The following SNX29 variants were observed in gnomAD, a reference collection of about 807,000 sequenced individuals.
SNX29 encodes sorting nexin 29.
SNX29 carries 78 observed loss-of-function variants against 102.1 expected under a neutral mutation model. The observed-to-expected ratio is 0.76, with a 90% CI of 0.64 to 0.92. The LOEUF is 0.92. Among genes scored for constraint, SNX29 ranks in the 40% least tolerant of loss-of-function variants. SNX29 has a pLI of 0.00. For missense variants in SNX29, 1,280 were observed against 1,061.7 expected (o/e 1.21, Z -2.86); for synonymous variants, 580 against 414.5 (o/e 1.40, Z -4.85).
rs1174479514 is a variant in SNX29 at position 12,573,255 on chromosome 16, GTCATC to G, written c.*4629_*4633del. ...TGGTTGTTGAAATGTACCTCGATCA[GTCATC>G]TCTGGTATTCCTCACTCTAGCCATG... On this transcript the variant is annotated 3_prime_UTR_variant, in exon 21 of 21. Coordinates refer to ENST00000566228, the MANE Select transcript of SNX29 (RefSeq NM_032167.5). The G allele has an allele frequency of 1.3e-5, 3 of 227,026 alleles. No individual in the cohort carries two copies. Among genetic ancestry groups the G allele is most frequent in the African/African-American group, 6.7e-5 (3 of 45,024 alleles). The allele number at this position is 227,026 out of a possible 1,614,324, so 14.1% of individuals were successfully genotyped here. A position where few individuals can be genotyped will look rare whatever the true frequency, so the allele number is the denominator to read the frequency against.
intron 15 of SNX29, among the ~76,000 whole-genome samples, chr16:12,286,048 G>T (rs1274657428): frequency 6.6e-6 from 1 of 151,920 alleles, no homozygotes; most frequent in Non-Finnish European, 1.5e-5. Context: ...TCACCGTATT[G>T]GCCAGGCTAG....
intron 3 of SNX29, among the ~76,000 whole-genome samples, chr16:12,025,131 A>G (rs987709488): frequency 1.3e-5 from 2 of 152,082 alleles, no homozygotes; most frequent in East Asian, 1.9e-4. Flanking sequence ...GTGAAACCCC[A>G]TCTCTACTAA....
At chr16:12,355,623 C>T (rs2082108061) in intron 15 of SNX29, among the ~76,000 whole-genome samples, 1 of 152,044 alleles carries the variant, frequency 6.6e-6, no homozygotes, top group African/African-American at 2.4e-5. Context: ...GTTGAATAGT[C>T]TGTACATTGA....
At chr16:12,428,913 C>G (rs140608601) in intron 18 of SNX29, among the ~76,000 whole-genome samples, 1,969 of 152,058 alleles carry the variant, frequency 0.013, 53 homozygotes, top group African/African-American at 0.045. Context: ...CTAGTTAATC[C>G]CAACACACAG....
At chr16:12,517,735 G>A (rs1567644952) in intron 19 of SNX29, among the ~76,000 whole-genome samples, 1 of 152,166 alleles carries the variant, frequency 6.6e-6, no homozygotes, top group Non-Finnish European at 1.5e-5. Flanking sequence ...CAAGAGTCCT[G>A]CAGTGAAGGA....
chr16:12,481,511 T>TAC (rs1371450419), intron 19 of SNX29, among the ~76,000 whole-genome samples: 1 of 111,204 alleles, frequency 9.0e-6, no homozygotes, highest in Non-Finnish European at 1.8e-5. Flanking sequence ...CATATACATA[T>TAC]AGACACACAC....
chr16:12,549,844 G>T (rs1291578572), intron 20 of SNX29, among the ~76,000 whole-genome samples: 3 of 152,236 alleles, frequency 2.0e-5, no homozygotes, highest in South Asian at 2.1e-4. Context: ...CTCCTTGGCC[G>T]CATGACTGTG....
chr16:12,346,837 G>C lies in SNX29; in HGVS notation c.1783-9326G>C, dbSNP rs140256545. On this transcript the variant is annotated intron_variant, in intron 15 of 20. Coordinates refer to ENST00000566228, the MANE Select transcript of SNX29 (RefSeq NM_032167.5). The stretch of plus-strand genomic sequence containing the variant: ...CCAGGAGAGCATCATTGTCTCCAGG[G>C]GGGTAGCAGCTGCTGCTCTATGAAG... Among the ~76,000 whole-genome samples, 35 of 152,258 alleles carry C rather than the reference G, an allele frequency of 2.3e-4. No individual in the cohort carries two copies. The East Asian group carries it at 6.0e-3, about 26-fold the overall frequency.
intron 16 of SNX29, among the ~76,000 whole-genome samples, chr16:12,385,451 G>A (rs1014943818): frequency 2.2e-4 from 33 of 152,292 alleles, no homozygotes; most frequent in African/African-American, 6.7e-4. Flanking sequence ...TGTCCCGCAG[G>A]GCTCTAGGGC....
chr16:12,187,754 GC>G (rs2076546507), intron 13 of SNX29, among the ~76,000 whole-genome samples: 1 of 21,100 alleles, frequency 4.7e-5, no homozygotes, highest in Non-Finnish European at 2.3e-4. Flanking sequence ...GGTACTGTTG[GC>G]ATTCACTCCT....
chr16:12,236,084 A>T (rs2077923602), intron 14 of SNX29, among the ~76,000 whole-genome samples: 1 of 152,192 alleles, frequency 6.6e-6, no homozygotes, highest in Non-Finnish European at 1.5e-5. Context: ...TAGATAGCCC[A>T]GAACTGCTTT....
chr16:12,161,205 C>T (rs1246949246), intron 13 of SNX29, among the ~76,000 whole-genome samples: 2 of 152,238 alleles, frequency 1.3e-5, no homozygotes, highest in Non-Finnish European at 2.9e-5. Context: ...GACCACCTTT[C>T]TGACCTTTGG....
intron 18 of SNX29, among the ~76,000 whole-genome samples, chr16:12,415,941 C>T (rs916479162): frequency 6.6e-6 from 1 of 152,174 alleles, no homozygotes; most frequent in African/African-American, 2.4e-5. Flanking sequence ...AGGACCTCTT[C>T]CCTGTACAGC....
rs972313561 is a variant in SNX29 at position 12,572,228 on chromosome 16, A to G, written c.*3599A>G. 23 of 1,020,014 alleles carry G rather than the reference A, an allele frequency of 2.3e-5. No homozygotes were observed. The African/African-American group carries it at 3.7e-4, about 16-fold the overall frequency. 63.2% of individuals were successfully genotyped at this position (1,020,014 alleles called of 1,614,324 possible). Reference sequence around the variant, plus strand: ...GCTTTAAAAACCAGAGGCTCCTGAAAGTCGTTTACACCAGGTGGATTGATA... The same window carrying G: ...GCTTTAAAAACCAGAGGCTCCTGAAGGTCGTTTACACCAGGTGGATTGATA... On this transcript the variant is annotated 3_prime_UTR_variant, in exon 21 of 21. Coordinates refer to ENST00000566228, the MANE Select transcript of SNX29 (RefSeq NM_032167.5).
intron 20 of SNX29, among the ~76,000 whole-genome samples, chr16:12,543,705 C>T (rs973512843): frequency 1.3e-5 from 2 of 152,224 alleles, no homozygotes; most frequent in African/African-American, 2.4e-5. Flanking sequence ...AAAATATTAA[C>T]CACGGGAATT....
rs1176550300 is a variant in SNX29 at position 12,356,181 on chromosome 16, G to A, written c.1801G>A (p.Glu601Lys). 1.2e-6 allele frequency: 2 copies of A among 1,612,810 alleles called. No homozygotes were observed. Among genetic ancestry groups the A allele is most frequent in the Non-Finnish European group, 8.5e-7 (1 of 1,179,618 alleles). ...GTTCCAGGTGGCAGAGATGCATGGC[G>A]AGCTGATTGAGTTCAACGAGCGCCT... ...KLIEVAEMHGELIEFNERLHR... is the reference protein window; with the variant it reads ...KLIEVAEMHGKLIEFNERLHR... The change falls in exon 16 of 21, where the codon GAG (glutamate) becomes AAG (lysine). Residue 601 changes from glutamate to lysine, a missense_variant. Transcript: ENST00000566228.
intron 19 of SNX29, among the ~76,000 whole-genome samples, chr16:12,508,747 C>T (rs1466132313): frequency 3.9e-5 from 6 of 152,172 alleles, no homozygotes; most frequent in Non-Finnish European, 8.8e-5. Context: ...TCTCCACCAG[C>T]TCCAGGGCGG....
intron 3 of SNX29, among the ~76,000 whole-genome samples, chr16:12,018,127 TAA>T (rs551617005): frequency 1.3e-4 from 20 of 151,430 alleles, no homozygotes; most frequent in African/African-American, 4.9e-4. Flanking sequence ...GGAATTGTAT[TAA>T]GTTTGTACAT....
intron 15 of SNX29, among the ~76,000 whole-genome samples, chr16:12,339,940 G>T (rs78989026): frequency 6.6e-6 from 1 of 152,138 alleles, no homozygotes; most frequent in African/African-American, 2.4e-5. Flanking sequence ...AAGAGAGGTG[G>T]TTTCTTAAGA....
Sources: gnomAD v4.1 joint callset for allele counts (sites outside exome capture counted in the v4.1 genomes callset) on GRCh38, gnomAD v4.1.1 for gene constraint, MANE v1.5 for transcripts, NCBI Gene and HGNC (gene_info 2026-07-23, HGNC 2026-07-21) for gene names.